Variants in EFCAB6 observed in about 807,000 individuals in gnomAD.
The protein encoded by EFCAB6 is EF-hand calcium binding domain 6.
EFCAB6 carries 156 observed loss-of-function variants against 169.8 expected under a neutral mutation model. That is an observed-to-expected ratio of 0.92 (90% CI 0.81 to 1.05). The LOEUF (loss-of-function observed/expected upper bound fraction) is 1.05. Ranked by LOEUF, EFCAB6 falls within the 50% of genes least tolerant of loss-of-function variation. The pLI is 0.00. For missense variants in EFCAB6, 1,800 were observed against 1,829.1 expected, an observed-to-expected ratio of 0.98 and a Z score of 0.29; for synonymous variants, 698 against 676.4, an observed-to-expected ratio of 1.03 and a Z score of -0.50.
At chr22:43,634,559 AG>A (rs1252931497) in intron 18 of EFCAB6, among the ~76,000 whole-genome samples, 5 of 152,006 alleles carry the variant, frequency 3.3e-5, no homozygotes, top group South Asian at 2.1e-4. Context: ...CAGCTTCTCT[AG>A]AGGGCTTGTT....
rs139235026 is a variant in EFCAB6 at position 43,599,352 on chromosome 22, A to G, written c.2876+717T>C. 1.9e-3 allele frequency among the ~76,000 whole-genome samples: 290 copies of G among 151,994 alleles called. 2 individuals are homozygous for G. The highest frequency in any genetic ancestry group is 6.9e-3 in the African/African-American group (285 of 41,448). ...TGGTGAAACCTCACCTCTACTAAAA[A>G]TACAAAAATTAGCTGGTCGTGGTGG... is the stretch of plus-strand genomic sequence containing the variant. On this transcript the variant is annotated intron_variant, in intron 23 of 31. Transcript: ENST00000262726.
chr22:43,711,442 A>G lies in EFCAB6; in HGVS notation c.1031+33T>C, dbSNP rs1489550366. The stretch of plus-strand genomic sequence containing the variant: ...TTATTCTTACGGTTGACGTTTGGGG[A>G]AAAAAATGTCAAGGAAACAATGAGA... On this transcript the variant is annotated intron_variant, in intron 10 of 31. Transcript: ENST00000262726. 5 of 1,524,586 alleles carry G rather than the reference A, an allele frequency of 3.3e-6. No individual in the cohort carries two copies. In the African/African-American group the frequency reaches 5.6e-5, roughly 17 times the overall value. The allele number at this position is 1,524,586 out of a possible 1,614,324, so 94.4% of individuals were successfully genotyped here.
chr22:43,784,633 G>GTGTATATATACACATA (rs769950101), intron 2 of EFCAB6, among the ~76,000 whole-genome samples: 30 of 64,126 alleles, frequency 4.7e-4, no homozygotes, highest in East Asian at 1.9e-3. Context: ...ACATATATAT[G>GTGTATATATACACATA]TATATGTACA....
chr22:43,712,966 G>GTA (rs1474743317), intron 9 of EFCAB6, among the ~76,000 whole-genome samples: 2 of 152,090 alleles, frequency 1.3e-5, no homozygotes, highest in African/African-American at 4.8e-5. Context: ...ATTCAGCAAA[G>GTA]TATAAAAAAG....
chr22:43,780,141 T>C (rs548147589), intron 3 of EFCAB6, among the ~76,000 whole-genome samples: 1 of 152,280 alleles, frequency 6.6e-6, no homozygotes, highest in Admixed American at 6.5e-5. Flanking sequence ...GAGAATGTGC[T>C]AAGGTGTGAG....
At chr22:43,699,961 C>T (rs981690596) in intron 10 of EFCAB6, among the ~76,000 whole-genome samples, 4 of 152,296 alleles carry the variant, frequency 2.6e-5, no homozygotes, top group South Asian at 4.1e-4. Flanking sequence ...CCGGCGAATA[C>T]GCAAGTTACA....
At position 43,555,088 on chromosome 22, in the gene EFCAB6, A is replaced by T; in HGVS notation, c.3429T>A (p.Asp1143Glu). The T allele has an allele frequency of 6.2e-7, 1 of 1,614,200 alleles. No individual in the cohort carries two copies. Among genetic ancestry groups the T allele is most frequent in the South Asian group, 1.1e-5 (1 of 91,082 alleles). ...NFSCFLEETA[D>E]EWAEKMPKGP... is the part of the protein sequence containing the mutation. ...CTTTGGGCATTTTCTCAGCCCACTCATCAGCTGTCTGGACAAAATAGAATG... is the reference window on the plus strand; with the variant it reads ...CTTTGGGCATTTTCTCAGCCCACTCTTCAGCTGTCTGGACAAAATAGAATG... Residue 1143 changes from aspartate to glutamate, a missense_variant, in exon 27 of 32, where the codon GAT (aspartate) becomes GAA (glutamate). Coordinates refer to ENST00000262726, the MANE Select transcript of EFCAB6 (RefSeq NM_022785.4).
chr22:43,805,393 G>A lies in EFCAB6; in HGVS notation c.-8+3602C>T, dbSNP rs181088552. 1.7e-3 allele frequency among the ~76,000 whole-genome samples: 261 copies of A among 152,326 alleles called. 1 individual carries two copies. The highest frequency in any genetic ancestry group is 0.013 in the South Asian group (61 of 4,822). ...AAATTCTGCCATTTGTAGCAACATG[G>A]ATAGAACTGGAGGTCCTTATGTGAC... On this transcript the variant is annotated intron_variant, in intron 2 of 31. Coordinates refer to ENST00000262726, the MANE Select transcript of EFCAB6 (RefSeq NM_022785.4).
In EFCAB6 at chr22:43,534,876, C is replaced by A; in HGVS notation, c.4049-4G>T. The A allele has an allele frequency of 1.9e-6, 3 of 1,590,444 alleles. No homozygotes were observed. Among genetic ancestry groups the A allele is most frequent in the South Asian group, 2.3e-5 (2 of 86,290 alleles). On this transcript the variant is annotated splice_region_variant and splice_polypyrimidine_tract_variant and intron_variant, in intron 29 of 31. Transcript: ENST00000262726. ...AGGTTGAATTTCTCCACAAGAGCTA[C>A]AGAAAAAAATGGCAGTTCAATTGGT... is the stretch of plus-strand genomic sequence containing the variant.
chr22:43,723,888 A>G (rs1409738719), intron 8 of EFCAB6, among the ~76,000 whole-genome samples: 1 of 151,752 alleles, frequency 6.6e-6, no homozygotes, highest in Non-Finnish European at 1.5e-5. Flanking sequence ...CCCATCGAGC[A>G]GGCTTTTTAG....
At chr22:43,780,486 CAAAA>C (rs34634496) in intron 3 of EFCAB6, among the ~76,000 whole-genome samples, 1 of 49,022 alleles carries the variant, frequency 2.0e-5, no homozygotes, top group Non-Finnish European at 3.6e-5. Context: ...GACTCTGTCT[CAAAA>C]AAAAAAAAAA....
Position 43,628,911 on chromosome 22 carries a change from C to T in EFCAB6, c.2233-2232G>A, listed in dbSNP as rs1410947804. ...TCTGATCTGTTCCCTGTTGCAGCTCCAGCTCTCCGAGCCATGCTCACCATA... is the reference window on the plus strand; with the variant it reads ...TCTGATCTGTTCCCTGTTGCAGCTCTAGCTCTCCGAGCCATGCTCACCATA... On this transcript the variant is annotated intron_variant, in intron 19 of 31. Coordinates refer to ENST00000262726, the MANE Select transcript of EFCAB6 (RefSeq NM_022785.4). The surrounding 1 kb of genome is among the most constrained non-coding windows in gnomAD (Gnocchi z 4.8). Among the ~76,000 whole-genome samples the T allele has an allele frequency of 6.6e-6, 1 of 152,192 alleles. No homozygotes were observed. The highest frequency in any genetic ancestry group is 1.5e-5 in the Non-Finnish European group (1 of 68,034).
At chr22:43,708,584 A>G (rs1240023806) in intron 10 of EFCAB6, among the ~76,000 whole-genome samples, 1 of 152,208 alleles carries the variant, frequency 6.6e-6, no homozygotes, top group East Asian at 1.9e-4. Flanking sequence ...TGGAATTTTA[A>G]AACATATAGA....
chr22:43,662,518 T>C (rs2057055361), intron 17 of EFCAB6, among the ~76,000 whole-genome samples: 1 of 152,074 alleles, frequency 6.6e-6, no homozygotes, highest in Non-Finnish European at 1.5e-5. Flanking sequence ...CAACCTGAAG[T>C]TTGTGACACA....
At chr22:43,636,604 CTTTT>C (rs2055414921) in intron 17 of EFCAB6, among the ~76,000 whole-genome samples, 1 of 140,402 alleles carries the variant, frequency 7.1e-6, no homozygotes, top group Admixed American at 7.0e-5. Flanking sequence ...AAACCCAGTT[CTTTT>C]CTTTTTTTTT....
At chr22:43,807,942 G>A (rs1033030750) in intron 2 of EFCAB6, among the ~76,000 whole-genome samples, 2 of 152,214 alleles carry the variant, frequency 1.3e-5, no homozygotes, top group South Asian at 4.1e-4. Context: ...CAGGCATAGG[G>A]TCAAACTGGC....
At chr22:43,790,045 G>GA (rs1486141263) in intron 2 of EFCAB6, among the ~76,000 whole-genome samples, 1 of 152,224 alleles carries the variant, frequency 6.6e-6, no homozygotes, top group Non-Finnish European at 1.5e-5. Context: ...CAGGGTTGAA[G>GA]AAATGAATAA....
rs372164701 is a variant in EFCAB6, at chr22:43,773,035, C to G, written c.208G>C (p.Asp70His). Residue 70 changes from aspartate to histidine, a missense_variant, in exon 4 of 32, where the codon GAC becomes CAC. By Grantham distance (81) the Asp-to-His change is moderately conservative (BLOSUM62 -1). Transcript: ENST00000262726. ...VKRILFQKIT[D>H]RGDELQKAFQ... ...GCTTTTTGCAACTCATCCCCTCTGT[C>G]GGTAATTTTTTGAAATAAAATCCGT... 1.2e-6 allele frequency: 2 copies of G among 1,614,146 alleles called. No homozygotes were observed. Among genetic ancestry groups the G allele is most frequent in the Non-Finnish European group, 8.5e-7 (1 of 1,180,026 alleles).
chr22:43,743,689 T>C (rs1346369225), intron 6 of EFCAB6, among the ~76,000 whole-genome samples: 1 of 152,166 alleles, frequency 6.6e-6, no homozygotes, highest in Non-Finnish European at 1.5e-5. Context: ...TGTCAGGGAA[T>C]ATTAAGCGGC....
Sources: allele counts gnomAD v4.1 joint callset (sites outside exome capture counted in the v4.1 genomes callset), GRCh38; gene constraint gnomAD v4.1.1; non-coding constraint Gnocchi (gnomAD v3.1); transcripts MANE v1.5; gene names NCBI Gene and HGNC (gene_info 2026-07-23, HGNC 2026-07-21).